TCF12: variants seen among roughly 807,000 people sequenced by gnomAD.
The protein encoded by TCF12 is transcription factor 12, also known as DNA-binding protein HTF4.
In TCF12, 45 loss-of-function variants were observed where a neutral mutation model predicts 86.0. The ratio of observed to expected loss-of-function variants is 0.52; its 90% CI spans 0.41 to 0.67. TCF12 has a LOEUF of 0.67. Ranked by LOEUF, TCF12 falls within the 30% of genes least tolerant of loss-of-function variation. The pLI, the probability that TCF12 is intolerant of heterozygous loss-of-function variation, is 0.00. For missense variants in TCF12, 881 were observed against 859.9 expected, an observed-to-expected ratio of 1.02 and a Z score of -0.31; for synonymous variants, 330 against 299.6, an observed-to-expected ratio of 1.10 and a Z score of -1.05.
intron 6 of TCF12, among the ~76,000 whole-genome samples, chr15:57,190,543 G>A (rs1410640968): frequency 6.6e-6 from 1 of 152,110 alleles, no homozygotes; most frequent in African/African-American, 2.4e-5. Flanking sequence ...CTTCTCAAGT[G>A]TATTCAACCC....
At chr15:57,201,726 T>G (rs1220571269) in intron 8 of TCF12, among the ~76,000 whole-genome samples, 1 of 152,204 alleles carries the variant, frequency 6.6e-6, no homozygotes, top group Non-Finnish European at 1.5e-5. Flanking sequence ...TCTGGGAGTT[T>G]CCAAAGGCAT....
chr15:57,037,434 A>AAAACAAACAAACAAAC (rs57821231), intron 3 of TCF12, among the ~76,000 whole-genome samples: 12 of 151,002 alleles, frequency 7.9e-5, no homozygotes, highest in African/African-American at 2.7e-4. Context: ...AGAGCTCAAA[A>AAAACAAACAAACAAAC]AAACAAACAA....
chr15:57,119,822 T>C (rs1195712040), intron 5 of TCF12, among the ~76,000 whole-genome samples: 2 of 152,158 alleles, frequency 1.3e-5, no homozygotes, highest in African/African-American at 4.8e-5. Flanking sequence ...CATAGTACTT[T>C]ATATCTCTTT....
intron 5 of TCF12, among the ~76,000 whole-genome samples, chr15:57,135,256 T>C (rs1219090723): frequency 6.6e-6 from 1 of 152,212 alleles, no homozygotes; most frequent in Non-Finnish European, 1.5e-5. Context: ...CATTTATTTT[T>C]ATTTCCTTCC....
chr15:56,930,715 T>C (rs778415669), intron 3 of TCF12, among the ~76,000 whole-genome samples: 3 of 136,256 alleles, frequency 2.2e-5, no homozygotes, highest in Non-Finnish European at 4.5e-5. Flanking sequence ...TTTTTTTTTA[T>C]TCTAGGTGAT....
chr15:56,962,831 C>T (rs1423202922), intron 3 of TCF12, among the ~76,000 whole-genome samples: 6 of 152,158 alleles, frequency 3.9e-5, no homozygotes, highest in East Asian at 1.9e-4. Context: ...GAATTCAGTT[C>T]GGTGAGAACA....
chr15:57,222,216 C>T (rs2058629975), intron 8 of TCF12, among the ~76,000 whole-genome samples: 1 of 147,026 alleles, frequency 6.8e-6, no homozygotes, highest in South Asian at 2.1e-4. Context: ...GCTTTCTTTC[C>T]CTTTTTTCCA....
At chr15:57,219,627 G>T in intron 8 of TCF12, 5 of 1,588,310 alleles carry the variant, frequency 3.1e-6, no homozygotes, top group Non-Finnish European at 4.3e-6. Context: ...TAACTCACTT[G>T]TTTAAAGGAA....
chr15:57,253,223 C>T (rs1413657314), intron 15 of TCF12, 39 bp from the exon 16 acceptor site: 1 of 1,604,956 alleles, frequency 6.2e-7, no homozygotes, highest in African/African-American at 1.3e-5. Context: ...CTAACAGATG[C>T]CAGCAATAAC....
chr15:57,028,316 T>C lies in TCF12; in HGVS notation c.149-35434T>C, dbSNP rs192320874. Among the ~76,000 whole-genome samples, 7 of 152,278 alleles carry C rather than the reference T, an allele frequency of 4.6e-5. No individual in the cohort carries two copies. In the East Asian group the frequency reaches 1.4e-3, roughly 29 times the overall value. Reference sequence around the variant, plus strand: ...TCTCGGGTATTTCTTCATAGCCTTATGAAAATGTACTAATAAACACATGTA... The same window carrying C: ...TCTCGGGTATTTCTTCATAGCCTTACGAAAATGTACTAATAAACACATGTA... On this transcript the variant is annotated intron_variant, in intron 3 of 20. Transcript: ENST00000333725.
intron 6 of TCF12, among the ~76,000 whole-genome samples, chr15:57,167,769 T>C (rs1312976002): frequency 6.6e-6 from 1 of 152,220 alleles, no homozygotes; most frequent in Non-Finnish European, 1.5e-5. Flanking sequence ...ATTTCTTGGC[T>C]TCAGACCAAG....
intron 4 of TCF12, among the ~76,000 whole-genome samples, chr15:57,064,824 G>C (rs1357720718): frequency 7.4e-6 from 1 of 134,518 alleles, no homozygotes; most frequent in African/African-American, 3.1e-5. Context: ...GAGAGAGAGA[G>C]AAAGACTTTT....
At chr15:57,163,369 A>T (rs1379942603) in intron 5 of TCF12, among the ~76,000 whole-genome samples, 1 of 152,160 alleles carries the variant, frequency 6.6e-6, no homozygotes, top group Non-Finnish European at 1.5e-5. Context: ...TAAATCTGAC[A>T]TCTGTTAACC....
In TCF12 at chr15:57,243,496, A is replaced by G; in HGVS notation, c.1060A>G (p.Ser354Gly). The change falls in exon 13 of 21, where the codon AGT becomes GGT. Residue 354 changes from serine to glycine, a missense_variant. Physicochemically the swap from Ser to Gly is moderately conservative, Grantham distance 56. Around this residue, in one of 3 missense-constraint regions of TCF12, gnomAD observed 766 missense variants for 718.9 expected, o/e 1.07. Transcript: ENST00000333725. ...ASIYSPDHTS[S>G]SFPSNPSTPV... ...GATTTATTCTCCTGACCATACCAGC[A>G]GTAGTTTTCCGTCAAATCCATCAAC... 6.2e-7 allele frequency: 1 copy of G among 1,613,944 alleles called. No individual in the cohort carries two copies. Among genetic ancestry groups the G allele is most frequent in the Non-Finnish European group, 8.5e-7 (1 of 1,179,882 alleles).
At chr15:56,950,094 A>AT (rs1487113391) in intron 3 of TCF12, among the ~76,000 whole-genome samples, 1 of 152,220 alleles carries the variant, frequency 6.6e-6, no homozygotes, top group African/African-American at 2.4e-5. Flanking sequence ...CATCATTCTC[A>AT]AGAGCTTCTC....
intron 3 of TCF12, among the ~76,000 whole-genome samples, chr15:57,061,946 T>C (rs1318835003): frequency 6.6e-6 from 1 of 151,914 alleles, no homozygotes; most frequent in Non-Finnish European, 1.5e-5. Flanking sequence ...ACTGGAGAGA[T>C]GGTAACAGTG....
At chr15:57,022,264 G>C (rs1298687856) in intron 3 of TCF12, among the ~76,000 whole-genome samples, 1 of 151,606 alleles carries the variant, frequency 6.6e-6, no homozygotes, top group Non-Finnish European at 1.5e-5. Context: ...TCCCCATCCT[G>C]TGTCCAAGTG....
intron 3 of TCF12, among the ~76,000 whole-genome samples, chr15:57,052,403 A>C (rs2733178): frequency 0.57 from 86,187 of 151,382 alleles, 24,734 homozygotes; most frequent in Admixed American, 0.61. Context: ...TTTGGGAGGC[A>C]GAGGCAGGTG....
intron 3 of TCF12, among the ~76,000 whole-genome samples, chr15:56,952,287 A>T (rs914917798): frequency 6.9e-6 from 1 of 144,962 alleles, no homozygotes; most frequent in Non-Finnish European, 1.5e-5. Flanking sequence ...TACTTTCTTG[A>T]TTCTTGAAGC....
Sources: gnomAD v4.1 joint callset for allele counts (sites outside exome capture counted in the v4.1 genomes callset) on GRCh38, gnomAD v4.1.1 for gene constraint, gnomAD v4.1.1 regional missense constraint, MANE v1.5 for transcripts, NCBI Gene and HGNC (gene_info 2026-07-23, HGNC 2026-07-21) for gene names.